The following CABLES1 variants were observed in gnomAD, a reference collection of about 807,000 sequenced individuals.
CABLES1 encodes Cdk5 and Abl enzyme substrate 1, also known as CDK5 and ABL1 enzyme substrate 1.
CABLES1 carries 36 observed loss-of-function variants against 57.8 expected under a neutral mutation model. The observed-to-expected ratio is 0.62, with a 90% confidence interval of 0.48 to 0.82. CABLES1 has a LOEUF of 0.82. Ranked by LOEUF, CABLES1 falls within the 40% of genes least tolerant of loss-of-function variation. The pLI, the probability that CABLES1 is intolerant of heterozygous loss-of-function variation, is 0.00. For synonymous variants in CABLES1, 374 were observed against 363.0 expected, an observed-to-expected ratio of 1.03 and a Z score of -0.35; for missense variants, 767 against 836.6, an observed-to-expected ratio of 0.92 and a Z score of 1.03.
chr18:23,249,111 C>T (rs996125312), intron 7 of CABLES1, among the ~76,000 whole-genome samples: 2 of 152,236 alleles, frequency 1.3e-5, no homozygotes, highest in African/African-American at 4.8e-5. Flanking sequence ...AGGATTCCTG[C>T]CCTGAGCCTC....
chr18:23,235,223 C>T (rs560115481), intron 5 of CABLES1, among the ~76,000 whole-genome samples: 1 of 152,188 alleles, frequency 6.6e-6, no homozygotes, highest in Admixed American at 6.5e-5. Context: ...GTGCAGGGTC[C>T]AGACGGTCCT....
intron 1 of CABLES1, among the ~76,000 whole-genome samples, chr18:23,167,723 G>A (rs1448264837): frequency 7.0e-6 from 1 of 142,748 alleles, no homozygotes; most frequent in Non-Finnish European, 1.5e-5. Flanking sequence ...GAGGCCATGG[G>A]AGCAAGGAGG....
intron 7 of CABLES1, among the ~76,000 whole-genome samples, chr18:23,251,899 A>T (rs143269912): frequency 1.9e-3 from 283 of 152,278 alleles, no homozygotes; most frequent in African/African-American, 6.4e-3. Context: ...CAACCTGGCC[A>T]ACATGGTGAA....
chr18:23,245,978 G>A (rs966986585), intron 7 of CABLES1, among the ~76,000 whole-genome samples: 2 of 152,208 alleles, frequency 1.3e-5, no homozygotes, highest in African/African-American at 4.8e-5. Context: ...ATTGAAAACA[G>A]TGGTCCCGGC....
chr18:23,229,857 G>C (rs2047554439), intron 4 of CABLES1, among the ~76,000 whole-genome samples: 1 of 152,194 alleles, frequency 6.6e-6, no homozygotes, highest in Admixed American at 6.5e-5. Flanking sequence ...CTGAGCAGTT[G>C]CCTGAGCTGT....
chr18:23,155,178 C>A (rs1598801980), intron 1 of CABLES1, among the ~76,000 whole-genome samples: 2 of 152,010 alleles, frequency 1.3e-5, no homozygotes, highest in African/African-American at 4.8e-5. Flanking sequence ...CTGTTAGAGC[C>A]AAGAAAATAA....
At chr18:23,154,252 G>A (rs551823189) in intron 1 of CABLES1, among the ~76,000 whole-genome samples, 110 of 152,254 alleles carry the variant, frequency 7.2e-4, no homozygotes, top group Admixed American at 5.2e-3. Flanking sequence ...ATCATGTGCC[G>A]CGGTAACTAA....
chr18:23,196,847 A>C (rs1419894866), intron 3 of CABLES1: 2 of 152,288 alleles, frequency 1.3e-5, no homozygotes, highest in Non-Finnish European at 2.9e-5. Context: ...GGCTGTGCCC[A>C]GCTCCTGAGT....
intron 7 of CABLES1, among the ~76,000 whole-genome samples, chr18:23,240,731 C>T (rs2047715283): frequency 6.6e-6 from 1 of 152,246 alleles, no homozygotes; most frequent in South Asian, 2.1e-4. Context: ...GCCCCCAGGG[C>T]AGTCCAATGT....
chr18:23,206,966 A>G (rs1165778209), intron 3 of CABLES1, among the ~76,000 whole-genome samples: 1 of 151,794 alleles, frequency 6.6e-6, no homozygotes, highest in Admixed American at 6.6e-5. Context: ...GTGTGCTACC[A>G]CACCCAGCTG....
At chr18:23,160,101 G>T (rs560517302) in intron 1 of CABLES1, among the ~76,000 whole-genome samples, 81 of 150,964 alleles carry the variant, frequency 5.4e-4, no homozygotes, top group African/African-American at 2.0e-3. Context: ...GCAGTGGCGC[G>T]ATCTCCACTC....
At position 23,236,008 on chromosome 18, in the gene CABLES1, C is replaced by G; in HGVS notation, c.1299C>G (p.Leu433=). 3 of 1,614,256 alleles carry G rather than the reference C, an allele frequency of 1.9e-6. No homozygotes were observed. In the East Asian group the frequency reaches 6.7e-5, roughly 36 times the overall value. ...TCCGTAACCTGAGCCACCGCAGCCT[C>G]TCCATAGGCCGGGCAAGCGGCACCC... The part of the protein sequence containing the change: ...SQFRNLSHRS[L]SIGRASGTQG... The change falls in exon 6 of 10, where the codon CTC becomes CTG. Residue 433 remains leucine, a synonymous_variant. Coordinates refer to ENST00000256925, the MANE Select transcript of CABLES1 (RefSeq NM_001100619.3).
chr18:23,208,355 A>G (rs1344729298), intron 3 of CABLES1, among the ~76,000 whole-genome samples: 1 of 152,186 alleles, frequency 6.6e-6, no homozygotes, highest in East Asian at 1.9e-4. Flanking sequence ...TAAATAGAGT[A>G]AACAAGAACA....
In CABLES1 at chr18:23,257,441, G is replaced by GA. The variant is rs745945858; in HGVS notation, c.*81dup. The GA allele has an allele frequency of 8.2e-6, 12 of 1,464,476 alleles. No individual in the cohort carries two copies. Among genetic ancestry groups the GA allele is most frequent in the African/African-American group, 1.4e-5 (1 of 69,278 alleles). 90.7% of individuals were successfully genotyped at this position (1,464,476 alleles called of 1,614,324 possible). On this transcript the variant is annotated 3_prime_UTR_variant, in exon 10 of 10. Coordinates refer to ENST00000256925, the MANE Select transcript of CABLES1 (RefSeq NM_001100619.3). ...GCAGCACTTACTTACTACTGGAAAT[G>GA]AAAAAAAGTAGAACTCAGAATACCA...
chr18:23,138,428 T>C (rs2046836787), intron 1 of CABLES1, among the ~76,000 whole-genome samples: 1 of 152,244 alleles, frequency 6.6e-6, no homozygotes, highest in South Asian at 2.1e-4. Flanking sequence ...TTTCATCCTA[T>C]TTCTGAATAA....
At chr18:23,191,450 A>G (rs973075106) in intron 2 of CABLES1, among the ~76,000 whole-genome samples, 2 of 152,158 alleles carry the variant, frequency 1.3e-5, no homozygotes, top group African/African-American at 4.8e-5. Flanking sequence ...TCCCATCTAT[A>G]AAATGGGAAG....
Position 23,188,847 on chromosome 18 carries a change from C to T in CABLES1, c.855C>T (p.Leu285=), listed in dbSNP as rs1485058443. The change falls in exon 2 of 10, where the codon CTC becomes CTT. Residue 285 remains leucine, a synonymous_variant. Transcript: ENST00000256925. ...FEQLQRSRRR[L]ISQRSSLETL... Reference sequence around the variant, plus strand: ...TTCCTTCTTTCTGCAGACGGCGCCTCATCTCCCAGAGATCTTCCTTGGAGA... The same window carrying T: ...TTCCTTCTTTCTGCAGACGGCGCCTTATCTCCCAGAGATCTTCCTTGGAGA... 1 of 1,613,740 alleles carries T rather than the reference C, an allele frequency of 6.2e-7. No individual in the cohort carries two copies.
At chr18:23,226,987 C>A (rs1057192823) in intron 4 of CABLES1, 2 of 152,074 alleles carry the variant, frequency 1.3e-5, no homozygotes, top group Non-Finnish European at 2.9e-5. Flanking sequence ...ACTACAGATG[C>A]ATCAGAGACC....
chr18:23,171,782 C>T (rs1025306441), intron 1 of CABLES1, among the ~76,000 whole-genome samples: 12 of 152,178 alleles, frequency 7.9e-5, no homozygotes, highest in African/African-American at 2.2e-4. Flanking sequence ...TCTGCTTCCC[C>T]GTGACCCCAT....
Sources: gnomAD v4.1 joint callset for allele counts (sites outside exome capture counted in the v4.1 genomes callset) on GRCh38, gnomAD v4.1.1 for gene constraint, MANE v1.5 for transcripts, NCBI Gene and HGNC (gene_info 2026-07-23, HGNC 2026-07-21) for gene names.